PPP6R3: variants seen among roughly 807,000 people sequenced by gnomAD.
PPP6R3 encodes serine/threonine-protein phosphatase 6 regulatory subunit 3.
In PPP6R3, 38 loss-of-function variants were observed where a neutral mutation model predicts 110.7. The observed-to-expected ratio is 0.34, with a 90% CI of 0.26 to 0.45. The LOEUF (loss-of-function observed/expected upper bound fraction) is 0.45, where lower values mean the gene tolerates loss of function less well. Among genes scored for constraint, PPP6R3 ranks in the 20% least tolerant of loss-of-function variants. PPP6R3 has a pLI of 1.00. For synonymous variants in PPP6R3, 369 were observed against 373.5 expected (o/e 0.99, Z 0.14); for missense variants, 870 against 1,062.4 (o/e 0.82, Z 2.52).
chr11:68,579,115 T>A (rs1432192461), intron 14 of PPP6R3, among the ~76,000 whole-genome samples: 1 of 152,238 alleles, frequency 6.6e-6, no homozygotes, highest in Non-Finnish European at 1.5e-5. Context: ...AATGTGTGCC[T>A]GTATTAATCA....
At chr11:68,473,434 G>C (rs558734312) in intron 1 of PPP6R3, among the ~76,000 whole-genome samples, 38 of 152,314 alleles carry the variant, frequency 2.5e-4, no homozygotes, top group African/African-American at 9.1e-4. Flanking sequence ...CTCTCCATCT[G>C]TATCCTTTGT....
chr11:68,609,618 A>C, intron 22 of PPP6R3: 1 of 1,552,236 alleles, frequency 6.4e-7, no homozygotes, highest in South Asian at 1.2e-5. Flanking sequence ...CAGAGTGTTG[A>C]AATCCTATCG....
chr11:68,557,270 G>T (rs2099403125), intron 7 of PPP6R3, among the ~76,000 whole-genome samples: 1 of 152,202 alleles, frequency 6.6e-6, no homozygotes, highest in African/African-American at 2.4e-5. Flanking sequence ...GAGAGTACTT[G>T]AAAAACCTCT....
chr11:68,507,632 C>A (rs1051368520), intron 1 of PPP6R3, among the ~76,000 whole-genome samples: 2 of 152,086 alleles, frequency 1.3e-5, no homozygotes, highest in Admixed American at 1.3e-4. Context: ...CTTTAGAAAA[C>A]GTGTGAGGGT....
chr11:68,594,640 C>G (rs1486537541), intron 18 of PPP6R3, among the ~76,000 whole-genome samples: 2 of 152,050 alleles, frequency 1.3e-5, no homozygotes, highest in African/African-American at 2.4e-5. Flanking sequence ...TATTATAATA[C>G]TAAGCTGCCA....
At chr11:68,471,479 A>G (rs1423582537) in intron 1 of PPP6R3, among the ~76,000 whole-genome samples, 1 of 152,012 alleles carries the variant, frequency 6.6e-6, no homozygotes. Context: ...TGCTGCCGTG[A>G]GGTCACCTGA....
chr11:68,578,792 A>G (rs1255226194), intron 14 of PPP6R3, among the ~76,000 whole-genome samples: 1 of 152,210 alleles, frequency 6.6e-6, no homozygotes, highest in Non-Finnish European at 1.5e-5. Flanking sequence ...CATCATACCC[A>G]AATACGTGCA....
intron 1 of PPP6R3, among the ~76,000 whole-genome samples, chr11:68,507,209 T>G (rs2099083042): frequency 6.6e-6 from 1 of 152,072 alleles, no homozygotes; most frequent in Admixed American, 6.5e-5. Flanking sequence ...ATGGATTTAC[T>G]TTGGGTGTTT....
At chr11:68,482,235 A>C (rs1432604315) in intron 1 of PPP6R3, among the ~76,000 whole-genome samples, 2 of 151,364 alleles carry the variant, frequency 1.3e-5, no homozygotes, top group Non-Finnish European at 2.9e-5. Context: ...AAAAAAAAAA[A>C]AAAAACCAAA....
intron 12 of PPP6R3, 121 bp from the exon 13 acceptor site, chr11:68,573,988 G>A (rs1053068309): frequency 1.1e-5 from 7 of 655,690 alleles, no homozygotes; most frequent in East Asian, 2.7e-5. Context: ...TCTGTCCATC[G>A]TCATTTTCTT....
At chr11:68,582,982 C>G in intron 14 of PPP6R3, 61 bp from the exon 15 acceptor site, 1 of 1,124,036 alleles carries the variant, frequency 8.9e-7, no homozygotes, top group Non-Finnish European at 1.3e-6. Context: ...CATAAAAATG[C>G]TGATACAAAT....
At chr11:68,598,958 T>C (rs143876422) in intron 19 of PPP6R3, among the ~76,000 whole-genome samples, 1 of 152,330 alleles carries the variant, frequency 6.6e-6, no homozygotes, top group East Asian at 1.9e-4. Flanking sequence ...CCTAATTAAA[T>C]GCCTACTCTG....
At chr11:68,578,932 GGTAGAGTGAATT>G (rs1305860405) in intron 14 of PPP6R3, among the ~76,000 whole-genome samples, 3 of 152,190 alleles carry the variant, frequency 2.0e-5, no homozygotes, top group Non-Finnish European at 4.4e-5. Flanking sequence ...CAAGGATTTA[GGTAGAGTGAATT>G]TAGAGAACAT....
rs543329894 is a variant in PPP6R3 at position 68,554,344 on chromosome 11, A to T, written c.731+87A>T. 364 of 1,010,942 alleles carry T rather than the reference A, an allele frequency of 3.6e-4. 9 individuals carry two copies. In the South Asian group the frequency reaches 6.4e-3, roughly 18 times the overall value. The allele number at this position is 1,010,942 out of a possible 1,614,324, so 62.6% of individuals were successfully genotyped here. A position where few individuals can be genotyped will look rare whatever the true frequency, so the allele number is the denominator to read the frequency against. On this transcript the variant is annotated intron_variant, in intron 7 of 23. Transcript: ENST00000393800. ...TGTGAGTGATTGGTAAGTGTTCCTT[A>T]TGTGGGAATCATGTGCCTTGAAAAT...
chr11:68,549,577 T>C (rs906064311), intron 5 of PPP6R3, among the ~76,000 whole-genome samples: 5 of 152,142 alleles, frequency 3.3e-5, no homozygotes, highest in Admixed American at 2.0e-4. Context: ...TTTGGGTGTG[T>C]CTTTGTAGAT....
intron 3 of PPP6R3, among the ~76,000 whole-genome samples, chr11:68,542,346 C>T (rs1348193122): frequency 7.9e-6 from 1 of 126,528 alleles, no homozygotes; most frequent in Non-Finnish European, 1.6e-5. Context: ...GGGGTCTTGC[C>T]GAGGGTGGAG....
At chr11:68,547,251 C>A (rs1056358863) in intron 4 of PPP6R3, among the ~76,000 whole-genome samples, 18 of 152,152 alleles carry the variant, frequency 1.2e-4, no homozygotes, top group Non-Finnish European at 2.5e-4. Context: ...TTATCCAACC[C>A]CCCACGCCCC....
At chr11:68,550,027 A>AC (rs1433385547) in intron 5 of PPP6R3, among the ~76,000 whole-genome samples, 1 of 151,430 alleles carries the variant, frequency 6.6e-6, no homozygotes, top group Non-Finnish European at 1.5e-5. Context: ...ATAGATGTTT[A>AC]CTCTCCTCTG....
chr11:68,558,042 T>C (rs921540337), intron 7 of PPP6R3, among the ~76,000 whole-genome samples: 3 of 152,258 alleles, frequency 2.0e-5, no homozygotes, highest in African/African-American at 7.2e-5. Context: ...TTTTCAAATT[T>C]TATTTGTAGA....
Sources: allele counts gnomAD v4.1 joint callset (sites outside exome capture counted in the v4.1 genomes callset), GRCh38; gene constraint gnomAD v4.1.1; transcripts MANE v1.5; gene names NCBI Gene and HGNC (gene_info 2026-07-23, HGNC 2026-07-21).